KLF8: variants seen among roughly 807,000 people sequenced by gnomAD.
KLF8 encodes Krueppel-like factor 8.
KLF8 carries 10 observed loss-of-function variants against 18.2 expected under a neutral mutation model. The observed-to-expected ratio is 0.55, with a 90% confidence interval of 0.34 to 0.93. The LOEUF is 0.93. Among genes scored for constraint, KLF8 ranks in the 40% least tolerant of loss-of-function variants. KLF8 has a pLI of 0.02. For synonymous variants in KLF8, 109 were observed against 97.3 expected, an observed-to-expected ratio of 1.12 and a Z score of -0.71; for missense variants, 264 against 277.9, an observed-to-expected ratio of 0.95 and a Z score of 0.36.
the KLF8 span, among the ~76,000 whole-genome samples, chrX:56,126,512 T>G: frequency 3.6e-5 from 4 of 111,363 alleles, no homozygotes; most frequent in South Asian, 1.1e-3. Flanking sequence ...CTCAGATCCC[T>G]TCAGTGGCTT....
the KLF8 span, among the ~76,000 whole-genome samples, chrX:56,176,175 C>T: frequency 1.2e-4 from 13 of 112,012 alleles, no homozygotes; most frequent in East Asian, 3.6e-3. Flanking sequence ...TGCTCATTAG[C>T]TGATGCAGTT....
chrX:56,035,477 A>C, the KLF8 span, among the ~76,000 whole-genome samples: 1 of 112,018 alleles, frequency 8.9e-6, no homozygotes, highest in African/African-American at 3.2e-5. Context: ...CCTTTAAATA[A>C]ATGCCTAGTA....
the KLF8 span, among the ~76,000 whole-genome samples, chrX:55,997,109 C>A: frequency 9.0e-6 from 1 of 111,671 alleles, no homozygotes; most frequent in Admixed American, 9.4e-5. Flanking sequence ...TGGTGGTTGC[C>A]TCTGGGAAGT....
intron 2 of KLF8, among the ~76,000 whole-genome samples, chrX:56,251,745 G>A (rs928964094): frequency 1.8e-5 from 2 of 110,827 alleles, no homozygotes; most frequent in African/African-American, 6.6e-5. Context: ...ATAGGTGTGA[G>A]CCACCGTACC....
At chrX:56,088,267 CT>C in the KLF8 span, among the ~76,000 whole-genome samples, 56 of 111,760 alleles carry the variant, frequency 5.0e-4, no homozygotes, top group Non-Finnish European at 9.4e-4. Context: ...GGGAACTGAA[CT>C]TTCCATTGCA....
chrX:56,006,305 C>T, the KLF8 span, among the ~76,000 whole-genome samples: 26 of 111,939 alleles, frequency 2.3e-4, no homozygotes, highest in Non-Finnish European at 4.3e-4. Context: ...TAGGTTGCTC[C>T]TCACCTGTTT....
chrX:55,915,453 A>G, the KLF8 span, among the ~76,000 whole-genome samples: 3 of 111,981 alleles, frequency 2.7e-5, no homozygotes, highest in Non-Finnish European at 3.8e-5. Context: ...TGCAATGTAC[A>G]AATGGGTACA....
chrX:56,015,506 C>T, the KLF8 span, among the ~76,000 whole-genome samples: 58 of 112,349 alleles, frequency 5.2e-4, no homozygotes, highest in Non-Finnish European at 9.2e-4. Context: ...CTTTCTGATT[C>T]TGTGAATTGC....
the KLF8 span, among the ~76,000 whole-genome samples, chrX:56,027,558 G>A: frequency 8.9e-6 from 1 of 112,546 alleles, no homozygotes; most frequent in South Asian, 3.7e-4. Context: ...CCGAGTTAAA[G>A]CAACGAGTTC....
At chrX:56,167,114 A>G in the KLF8 span, among the ~76,000 whole-genome samples, 4 of 111,447 alleles carry the variant, frequency 3.6e-5, no homozygotes, top group African/African-American at 9.8e-5. Flanking sequence ...CATGTGACAC[A>G]TTGCTTTATT....
At chrX:55,928,431 G>T in the KLF8 span, among the ~76,000 whole-genome samples, 4 of 110,474 alleles carry the variant, frequency 3.6e-5, no homozygotes, top group Non-Finnish European at 7.6e-5. Context: ...TGTGACATAG[G>T]TATACATGTG....
the KLF8 span, among the ~76,000 whole-genome samples, chrX:56,145,882 A>G: frequency 1.8e-5 from 2 of 111,675 alleles, no homozygotes; most frequent in Non-Finnish European, 3.8e-5. Flanking sequence ...GAAAAAAAAA[A>G]CATCAAAAAG....
chrX:55,962,106 C>A, the KLF8 span: 1 of 148,917 alleles, frequency 6.7e-6, no homozygotes, highest in South Asian at 1.7e-4. Flanking sequence ...AATGTAGAGT[C>A]AGCAGTTGAA....
the KLF8 span, among the ~76,000 whole-genome samples, chrX:56,081,726 T>G: frequency 8.9e-6 from 1 of 111,960 alleles, no homozygotes; most frequent in Admixed American, 9.5e-5. Flanking sequence ...ATGCACTAAT[T>G]TTTCCTGATT....
the KLF8 span, among the ~76,000 whole-genome samples, chrX:55,947,936 C>G: frequency 8.9e-6 from 1 of 111,955 alleles, no homozygotes; most frequent in African/African-American, 3.2e-5. Context: ...GCTAGAGGTA[C>G]AATTAGATGC....
the KLF8 span, among the ~76,000 whole-genome samples, chrX:56,088,262 C>A: frequency 1.8e-5 from 2 of 111,705 alleles, no homozygotes; most frequent in East Asian, 5.6e-4. Flanking sequence ...AAGAAGGGAA[C>A]TGAACTTTCC....
chrX:56,176,266 C>T, the KLF8 span, among the ~76,000 whole-genome samples: 1 of 111,791 alleles, frequency 8.9e-6, no homozygotes, highest in Admixed American at 9.5e-5. Flanking sequence ...ATGTTTAGTG[C>T]TTCCTTCAGG....
the KLF8 span, among the ~76,000 whole-genome samples, chrX:56,186,736 T>A: frequency 9.0e-6 from 1 of 111,650 alleles, no homozygotes; most frequent in African/African-American, 3.3e-5. Flanking sequence ...TCAAAACCAC[T>A]CAACTACATG....
chrX:56,048,998 G>C, the KLF8 span, among the ~76,000 whole-genome samples: 3 of 111,273 alleles, frequency 2.7e-5, no homozygotes, highest in South Asian at 1.2e-3. Context: ...CTTGTAAGTT[G>C]GATTCCTAGG....
Sources: allele counts gnomAD v4.1 joint callset (sites outside exome capture counted in the v4.1 genomes callset), GRCh38; gene constraint gnomAD v4.1.1; transcripts MANE v1.5; gene names NCBI Gene and HGNC (gene_info 2026-07-23, HGNC 2026-07-21).